Variants in FHL1 observed in about 807,000 individuals in gnomAD.
The protein encoded by FHL1 is four and a half LIM domains protein 1.
In FHL1, 1 loss-of-function variant was observed where a neutral mutation model predicts 20.3. The ratio of observed to expected loss-of-function variants is 0.05; its 90% CI spans 0.02 to 0.23. The LOEUF (loss-of-function observed/expected upper bound fraction) is 0.23, where lower values mean the gene tolerates loss of function less well. Ranked by LOEUF, FHL1 falls within the 10% of genes least tolerant of loss-of-function variation. FHL1 has a pLI of 1.00. For missense variants in FHL1, 177 were observed against 234.0 expected, an observed-to-expected ratio of 0.76 and a Z score of 1.59; for synonymous variants, 82 against 88.9, an observed-to-expected ratio of 0.92 and a Z score of 0.44.
At chrX:136,208,351 T>G in intron 4 of FHL1, 104 bp from the exon 5 acceptor site, 658 of 832,204 alleles carry the variant, frequency 7.9e-4, no homozygotes, top group Non-Finnish European at 1.1e-3. Flanking sequence ...GGAGATTAAA[T>G]GAGATATTGT....
At chrX:136,169,506 A>G (rs1466973321), upstream of FHL1, 5 of 196,875 alleles carry the variant, frequency 2.5e-5, no homozygotes, top group Non-Finnish European at 4.6e-5. Context: ...TAAAGATGTT[A>G]AAAGAGAGAG....
chrX:136,196,324 C>G (rs2073554583), upstream of FHL1, among the ~76,000 whole-genome samples: 1 of 112,135 alleles, frequency 8.9e-6, no homozygotes, highest in African/African-American at 3.2e-5. Flanking sequence ...GCCTGTTGAG[C>G]TATTACAACA....
At chrX:136,159,271 G>T (rs1050077781) in intron 1 of FHL1, among the ~76,000 whole-genome samples, 3 of 111,583 alleles carry the variant, frequency 2.7e-5, no homozygotes, top group African/African-American at 9.8e-5. Flanking sequence ...GCCAGGTACA[G>T]TGGCTCATGC....
chrX:136,178,715 A>G (rs1230067601), intron 2 of FHL1, among the ~76,000 whole-genome samples: 1 of 110,493 alleles, frequency 9.1e-6, no homozygotes, highest in Non-Finnish European at 1.9e-5. Flanking sequence ...GTCTGTGGAC[A>G]TCTCTTAAAC....
chrX:136,176,161 A>T (rs2072997176), intron 2 of FHL1, among the ~76,000 whole-genome samples: 1 of 112,359 alleles, frequency 8.9e-6, no homozygotes, highest in Non-Finnish European at 1.9e-5. Flanking sequence ...CTTTTAATGA[A>T]TGTCTAGCAG....
At chrX:136,208,186 T>C (rs894515670) in intron 4 of FHL1, among the ~76,000 whole-genome samples, 1 of 112,145 alleles carries the variant, frequency 8.9e-6, no homozygotes, top group African/African-American at 3.2e-5. Context: ...GGGTGGCCCG[T>C]ATGGCATGCT....
At chrX:136,159,734 G>C (rs1034694935) in intron 1 of FHL1, among the ~76,000 whole-genome samples, 1 of 111,922 alleles carries the variant, frequency 8.9e-6, no homozygotes, top group African/African-American at 3.3e-5. Flanking sequence ...AGATAGGTCA[G>C]TGGGAGCAGT....
At chrX:136,157,122 G>GC (rs1385927830) in intron 1 of FHL1, among the ~76,000 whole-genome samples, 1 of 111,457 alleles carries the variant, frequency 9.0e-6, no homozygotes, top group Non-Finnish European at 1.9e-5. Flanking sequence ...ACACGTTCTA[G>GC]CAACTACCCT....
chrX:136,163,129 C>T (rs1182483091), intron 1 of FHL1, among the ~76,000 whole-genome samples: 2 of 112,283 alleles, frequency 1.8e-5, no homozygotes, highest in Non-Finnish European at 3.8e-5. Flanking sequence ...CTCTTAGAGG[C>T]CCCACCTCTC....
chrX:136,197,011 C>T (rs185350542), upstream of FHL1: 94 of 1,059,207 alleles, frequency 8.9e-5, no homozygotes, highest in African/African-American at 1.2e-3. Flanking sequence ...TTGTGTTAGC[C>T]GCTTCCCCTT....
chrX:136,183,234 TA>T (rs1342762449), intron 2 of FHL1, among the ~76,000 whole-genome samples: 1 of 111,886 alleles, frequency 8.9e-6, no homozygotes, highest in East Asian at 2.8e-4. Context: ...GAGCGTGAAT[TA>T]AAAATAAATT....
intron 2 of FHL1, 67 bp downstream of exon 2, chrX:136,206,655 G>GGCA (rs2073849609): frequency 2.6e-6 from 3 of 1,169,013 alleles, no homozygotes; most frequent in Non-Finnish European, 3.5e-6. Flanking sequence ...CCACAACCAT[G>GGCA]GCAGCAGCAG....
intron 1 of FHL1, among the ~76,000 whole-genome samples, chrX:136,160,081 C>G (rs2072525336): frequency 2.7e-5 from 3 of 112,015 alleles, no homozygotes; most frequent in South Asian, 3.7e-4. Context: ...TAAATAGTTT[C>G]TTTATATTGG....
In FHL1 at chrX:136,210,068, G is replaced by A. The variant is rs140605116; in HGVS notation, c.*43G>A. On this transcript the variant is annotated 3_prime_UTR_variant, in exon 6 of 6. Coordinates refer to ENST00000370683, the MANE Select transcript of FHL1 (RefSeq NM_001159699.2). Reference sequence around the variant, plus strand: ...TCCTGTAAAATGGCATTTGAATCTCGTTCTTTGTGTCCTTACTTTCTGCCC... The same window carrying A: ...TCCTGTAAAATGGCATTTGAATCTCATTCTTTGTGTCCTTACTTTCTGCCC... The A allele has an allele frequency of 3.1e-4, 374 of 1,205,997 alleles. 1 individual carries two copies. In the African/African-American group the frequency reaches 4.4e-3, roughly 14 times the overall value.
rs761498887 is a variant in FHL1 at position 136,177,459 on chromosome X, G to A, written c.-27+7479G>A. On this transcript the variant is annotated intron_variant, in intron 2 of 6. Coordinates refer to the FHL1 transcript ENST00000394153. ...ATCTTGGACTTCAGTTGGTTCAAAT[G>A]AGCCTTTAAAACTTTTTCTCTTCTC... Among the ~76,000 whole-genome samples the A allele has an allele frequency of 2.2e-4, 25 of 112,022 alleles. 1 individual carries two copies. In the Admixed American group the frequency reaches 2.3e-3, roughly 10 times the overall value.
intron 2 of FHL1, among the ~76,000 whole-genome samples, chrX:136,188,301 GC>G (rs1488216767): frequency 4.5e-5 from 5 of 111,783 alleles, no homozygotes; most frequent in African/African-American, 1.6e-4. Flanking sequence ...CCTTGCCCAG[GC>G]TGTGCCAGTA....
At chrX:136,153,284 TG>T (rs11399857) in intron 1 of FHL1, among the ~76,000 whole-genome samples, 53 of 87,640 alleles carry the variant, frequency 6.0e-4, no homozygotes, top group African/African-American at 2.0e-3. Context: ...TTGCGGGAGG[TG>T]GGGGGGGGCA....
chrX:136,186,871 T>G (rs868715396), intron 2 of FHL1, among the ~76,000 whole-genome samples: 1 of 58,897 alleles, frequency 1.7e-5, no homozygotes, highest in Non-Finnish European at 3.3e-5. Flanking sequence ...AAAAAATATA[T>G]ATATATATAT....
chrX:136,200,441 G>A (rs968589187), intron 1 of FHL1, among the ~76,000 whole-genome samples: 17 of 111,681 alleles, frequency 1.5e-4, no homozygotes, highest in African/African-American at 5.5e-4. Context: ...ATAGGCCCAA[G>A]AAAGAAGTCC....
Sources: gnomAD v4.1 joint callset for allele counts (sites outside exome capture counted in the v4.1 genomes callset) on GRCh38, gnomAD v4.1.1 for gene constraint, MANE v1.5 for transcripts, NCBI Gene and HGNC (gene_info 2026-07-23, HGNC 2026-07-21) for gene names.